FXR1: variants seen among roughly 807,000 people sequenced by gnomAD.
The protein encoded by FXR1 is RNA-binding protein FXR1.
FXR1 carries 15 observed loss-of-function variants against 84.0 expected under a neutral mutation model. The ratio of observed to expected loss-of-function variants is 0.18; its 90% CI spans 0.12 to 0.27. The LOEUF (loss-of-function observed/expected upper bound fraction) is 0.27. FXR1 is among the 10% of genes least tolerant of loss of function. The pLI, the probability that FXR1 is intolerant of heterozygous loss-of-function variation, is 1.00. For missense variants in FXR1, 480 were observed against 774.4 expected, an observed-to-expected ratio of 0.62 and a Z score of 4.51; for synonymous variants, 245 against 250.7, an observed-to-expected ratio of 0.98 and a Z score of 0.21.
chr3:180,939,260 G>T (rs1005114531), intron 3 of FXR1, among the ~76,000 whole-genome samples: 1 of 151,966 alleles, frequency 6.6e-6, no homozygotes, highest in Admixed American at 6.6e-5. Context: ...TTATACCGGT[G>T]GGGGGGTGTG....
chr3:180,960,253 T>C (rs1711928307), intron 10 of FXR1, among the ~76,000 whole-genome samples: 1 of 152,212 alleles, frequency 6.6e-6, no homozygotes, highest in African/African-American at 2.4e-5. Context: ...TTCCTTTAAT[T>C]TTACATTGTG....
chr3:180,940,556 C>T (rs562174874), intron 3 of FXR1, among the ~76,000 whole-genome samples: 68 of 150,850 alleles, frequency 4.5e-4, no homozygotes, highest in African/African-American at 1.6e-3. Context: ...AAGGTGATAA[C>T]GTGTTTAGTT....
At chr3:180,931,026 C>CAAAAAAAAAAAAAAAAAAAAA (rs57731098) in intron 1 of FXR1, among the ~76,000 whole-genome samples, 3 of 55,628 alleles carry the variant, frequency 5.4e-5, no homozygotes, top group East Asian at 7.2e-4. Context: ...GAGACTGCCT[C>CAAAAAAAAAAAAAAAAAAAAA]AAAAAAAAAA....
At chr3:180,916,761 A>G (rs1208170797) in intron 1 of FXR1, among the ~76,000 whole-genome samples, 1 of 152,120 alleles carries the variant, frequency 6.6e-6, no homozygotes, top group East Asian at 1.9e-4. Flanking sequence ...TCTGGCTCAT[A>G]GGAAAGTTTC....
rs1264002178 is a variant in FXR1, at chr3:180,966,574, T to C, written c.1199-1477T>C. Among the ~76,000 whole-genome samples the C allele has an allele frequency of 2.0e-5, 3 of 152,160 alleles. No individual in the cohort carries two copies. In the East Asian group the frequency reaches 5.8e-4, roughly 29 times the overall value. On this transcript the variant is annotated intron_variant, in intron 13 of 16. Transcript: ENST00000357559. ...GTTTAGCAAATGAACTTCAAAATAA[T>C]GCAGCAAATTATTTGGTTGAGAAAA...
chr3:180,975,379 CTT>C lies in FXR1; in HGVS notation c.1672_1673del (p.Leu558GlyfsTer2). 6.7e-7 allele frequency: 1 copy of C among 1,493,904 alleles called. No homozygotes were observed. Among genetic ancestry groups the C allele is most frequent in the Non-Finnish European group, 9.2e-7 (1 of 1,084,782 alleles). 92.5% of individuals were successfully genotyped at this position (1,493,904 alleles called of 1,614,324 possible). A position where few individuals can be genotyped will look rare whatever the true frequency, so the allele number is the denominator to read the frequency against. ...AGACAAAGAAACCTCCCAAGGGAAA[CTT>C]TGGCTAAAAACAAGAAAGAAATGGT... is the stretch of plus-strand genomic sequence containing the variant. On this transcript the variant is annotated frameshift_variant, in exon 16 of 17. Coordinates refer to ENST00000357559, the MANE Select transcript of FXR1 (RefSeq NM_005087.4). LOFTEE classifies it high-confidence loss of function.
chr3:180,968,951 CAT>C (rs1460346309), intron 14 of FXR1, among the ~76,000 whole-genome samples: 2 of 152,072 alleles, frequency 1.3e-5, no homozygotes, highest in Non-Finnish European at 2.9e-5. Context: ...ATAACTTTAA[CAT>C]ATCATTATGG....
chr3:180,976,235 T>G lies in FXR1; in HGVS notation c.1809T>G (p.Ile603Met), dbSNP rs1560029460. The G allele has an allele frequency of 6.2e-7, 1 of 1,612,362 alleles. No homozygotes were observed. Among genetic ancestry groups the G allele is most frequent in the Non-Finnish European group, 8.5e-7 (1 of 1,178,666 alleles). The change falls in exon 17 of 17, where the codon ATT becomes ATG. Residue 603 changes from isoleucine to methionine, a missense_variant. By Grantham distance (10) the Ile-to-Met change is conservative (BLOSUM62 1). This residue lies in a region of FXR1 where 94 missense variants were observed against 81.8 expected (regional missense o/e 1.15). Transcript: ENST00000357559. ...KLQRTPGEEK[I>M]NTLKEENTQE... The stretch of plus-strand genomic sequence containing the variant: ...AGCGTACTCCAGGAGAAGAAAAGAT[T>G]AATACCTTAAAAGAAGAAAACACTC...
chr3:180,912,762 G>C (rs759932216), intron 1 of FXR1, 26 bp downstream of exon 1: 93 of 1,613,926 alleles, frequency 5.8e-5, no homozygotes, highest in Non-Finnish European at 6.9e-5. Context: ...CCACTTTGTC[G>C]AGTGTTCTGG....
At chr3:180,933,560 A>G (rs908238986) in intron 2 of FXR1, among the ~76,000 whole-genome samples, 174 bp downstream of exon 2, 1 of 152,092 alleles carries the variant, frequency 6.6e-6, no homozygotes, top group Non-Finnish European at 1.5e-5. Context: ...TTTTCTGTCC[A>G]TAATTGTCAC....
At chr3:180,974,688 C>T (rs996342532) in intron 15 of FXR1, among the ~76,000 whole-genome samples, 2 of 152,112 alleles carry the variant, frequency 1.3e-5, no homozygotes, top group African/African-American at 4.8e-5. Flanking sequence ...TTTTCCCACT[C>T]TGATCAATGT....
chr3:180,954,694 C>T (rs1261556960), intron 9 of FXR1, among the ~76,000 whole-genome samples: 1 of 151,912 alleles, frequency 6.6e-6, no homozygotes, highest in African/African-American at 2.4e-5. Flanking sequence ...TTTTTGTTCC[C>T]TGTTATCTCT....
chr3:180,925,171 G>A (rs1339182932), intron 1 of FXR1, among the ~76,000 whole-genome samples: 2 of 151,964 alleles, frequency 1.3e-5, no homozygotes, highest in Admixed American at 1.3e-4. Context: ...GACCAGCCTG[G>A]CTAATATGGT....
chr3:180,958,614 T>G (rs1236353227), intron 10 of FXR1, among the ~76,000 whole-genome samples: 1 of 152,140 alleles, frequency 6.6e-6, no homozygotes, highest in East Asian at 1.9e-4. Flanking sequence ...ATACCACATT[T>G]TTTTTGTATC....
intron 3 of FXR1, among the ~76,000 whole-genome samples, chr3:180,941,857 T>C (rs977115059): frequency 2.0e-5 from 3 of 152,200 alleles, no homozygotes; most frequent in Admixed American, 6.5e-5. Context: ...TAAACTTTTC[T>C]AATGCGCATT....
rs376006006 is a variant in FXR1 at position 180,948,314 on chromosome 3, A to G, written c.271-33A>G. 15 of 1,495,024 alleles carry G rather than the reference A, an allele frequency of 1.0e-5. No homozygotes were observed. The South Asian group carries it at 1.5e-4, about 15-fold the overall frequency. The allele number at this position is 1,495,024 out of a possible 1,614,324, so 92.6% of individuals were successfully genotyped here. On this transcript the variant is annotated intron_variant, in intron 4 of 16. Coordinates refer to ENST00000357559, the MANE Select transcript of FXR1 (RefSeq NM_005087.4). ...TTTAAACTTCATTATTTTTGTTCAG[A>G]TGGGATTTTTAAAGTATTTTGATGT... is the stretch of plus-strand genomic sequence containing the variant.
chr3:180,942,134 T>A (rs1211329567), intron 3 of FXR1, among the ~76,000 whole-genome samples: 3 of 151,912 alleles, frequency 2.0e-5, no homozygotes, highest in African/African-American at 7.3e-5. Context: ...ATCCCAGCAC[T>A]TTGGGAGGCC....
chr3:180,963,012 G>T lies in FXR1; in HGVS notation c.1136-16G>T. 1 of 1,606,942 alleles carries T rather than the reference G, an allele frequency of 6.2e-7. No individual in the cohort carries two copies. Among genetic ancestry groups the T allele is most frequent in the Middle Eastern group, 1.7e-4 (1 of 6,048 alleles). On this transcript the variant is annotated splice_polypyrimidine_tract_variant and intron_variant, in intron 12 of 16. Transcript: ENST00000357559. The stretch of plus-strand genomic sequence containing the variant: ...AGGATATGCCACTGATGAAAGTACC[G>T]TCTCTTCTGTACAAGGTTCTAGGTC...
Position 180,979,900 on chromosome 3 carries a change from G to A in FXR1, c.*3608G>A, listed in dbSNP as rs1043370452. 1 of 151,964 alleles carries A rather than the reference G, an allele frequency of 6.6e-6. No individual in the cohort carries two copies. Among genetic ancestry groups the A allele is most frequent in the Non-Finnish European group, 1.5e-5 (1 of 67,940 alleles). 9.4% of individuals were successfully genotyped at this position (151,964 alleles called of 1,614,324 possible). On this transcript the variant is annotated 3_prime_UTR_variant, in exon 17 of 17. Coordinates refer to ENST00000357559, the MANE Select transcript of FXR1 (RefSeq NM_005087.4). ...AATATTATTTCCAGTACTGAGGTAAGGTACACAAAAATTCCCCTGGAAAAA... is the reference window on the plus strand; with the variant it reads ...AATATTATTTCCAGTACTGAGGTAAAGTACACAAAAATTCCCCTGGAAAAA...
Sources: gnomAD v4.1 joint callset for allele counts (sites outside exome capture counted in the v4.1 genomes callset) on GRCh38, gnomAD v4.1.1 for gene constraint, gnomAD v4.1.1 regional missense constraint, MANE v1.5 for transcripts, NCBI Gene and HGNC (gene_info 2026-07-23, HGNC 2026-07-21) for gene names.